Variants in PTPRD observed in about 807,000 individuals in gnomAD.
PTPRD encodes the protein protein tyrosine phosphatase receptor type D.
In PTPRD, 34 loss-of-function variants were observed where a neutral mutation model predicts 214.5. That is an observed-to-expected ratio of 0.16 (90% CI 0.12 to 0.21). The LOEUF (loss-of-function observed/expected upper bound fraction) is 0.21, where lower values mean the gene tolerates loss of function less well. PTPRD is among the 10% of genes least tolerant of loss of function. PTPRD has a pLI of 1.00. For missense variants in PTPRD, 2,545 were observed against 2,398.7 expected (o/e 1.06, Z -1.27); for synonymous variants, 1,128 against 845.7 (o/e 1.33, Z -5.79).
At chr9:10,266,380 C>T (rs2094060274) in intron 3 of PTPRD, among the ~76,000 whole-genome samples, 1 of 151,848 alleles carries the variant, frequency 6.6e-6, no homozygotes, top group African/African-American at 2.4e-5. Context: ...AAATGTAGTT[C>T]TAATATGTAA....
At chr9:9,151,085 C>T (rs1240202635) in intron 10 of PTPRD, among the ~76,000 whole-genome samples, 1 of 152,170 alleles carries the variant, frequency 6.6e-6, no homozygotes, top group East Asian at 1.9e-4. Flanking sequence ...AAGATAATTA[C>T]CATATATTTA....
intron 3 of PTPRD, among the ~76,000 whole-genome samples, chr9:10,078,348 C>CAAA (rs35499698): frequency 1.7e-5 from 2 of 119,934 alleles, no homozygotes; most frequent in East Asian, 4.9e-4. Context: ...CCATCTCTTC[C>CAAA]AAAAAAAAAA....
intron 2 of PTPRD, among the ~76,000 whole-genome samples, chr9:10,473,305 C>T (rs1030206100): frequency 6.6e-6 from 1 of 152,052 alleles, no homozygotes; most frequent in Non-Finnish European, 1.5e-5. Context: ...CTCACATTCA[C>T]ATACCAAAAA....
At chr9:9,264,434 AG>A (rs1457045968) in intron 9 of PTPRD, among the ~76,000 whole-genome samples, 1 of 151,664 alleles carries the variant, frequency 6.6e-6, no homozygotes, top group East Asian at 2.0e-4. Flanking sequence ...ATGAAGTAGA[AG>A]AAAGACTCTG....
In PTPRD at chr9:8,644,038, C is replaced by T. The variant is rs548024617; in HGVS notation, c.65-7194G>A. 3.9e-4 allele frequency among the ~76,000 whole-genome samples: 60 copies of T among 152,304 alleles called. 1 individual carries two copies. In the South Asian group the frequency reaches 0.012, roughly 31 times the overall value. On this transcript the variant is annotated intron_variant, in intron 12 of 45. Coordinates refer to ENST00000381196, the MANE Select transcript of PTPRD (RefSeq NM_002839.4). The stretch of plus-strand genomic sequence containing the variant: ...TGGACCAGCTGGCATGCACTTCATC[C>T]CCTCTGAGGCCCATAAAAGTTCCAG...
intron 4 of PTPRD, among the ~76,000 whole-genome samples, chr9:10,020,518 G>A (rs912548000): frequency 4.3e-5 from 5 of 115,244 alleles, no homozygotes; most frequent in Non-Finnish European, 8.9e-5. Context: ...GCCCAGGATG[G>A]TCTAGATGGC....
At chr9:8,584,446 G>T (rs1400388999) in intron 14 of PTPRD, among the ~76,000 whole-genome samples, 2 of 140,802 alleles carry the variant, frequency 1.4e-5, no homozygotes, top group Non-Finnish European at 3.1e-5. Flanking sequence ...TAACTGATTA[G>T]TTACTGAAAA....
At chr9:8,857,506 G>T (rs895923622) in intron 11 of PTPRD, 1 of 152,202 alleles carries the variant, frequency 6.6e-6, no homozygotes, top group African/African-American at 2.4e-5. Flanking sequence ...CCCGGGCGCC[G>T]GGCTCGCGGA....
intron 5 of PTPRD, among the ~76,000 whole-genome samples, chr9:9,779,078 C>CCAAAAAAAAAAAAAAAA (rs1282567404): frequency 2.2e-5 from 1 of 45,456 alleles, no homozygotes; most frequent in Non-Finnish European, 4.0e-5. Context: ...ATAAGACTGA[C>CCAAAAAAAAAAAAAAAA]AAAAAAAAAA....
At chr9:9,427,985 T>C (rs1047841501) in intron 8 of PTPRD, among the ~76,000 whole-genome samples, 1 of 152,108 alleles carries the variant, frequency 6.6e-6, no homozygotes, top group African/African-American at 2.4e-5. Context: ...CCATCAATGC[T>C]AGGAAGAAAC....
At chr9:9,244,413 A>C (rs1370410706) in intron 9 of PTPRD, among the ~76,000 whole-genome samples, 2 of 152,100 alleles carry the variant, frequency 1.3e-5, no homozygotes, top group Non-Finnish European at 2.9e-5. Context: ...TAACCAAAAC[A>C]CCATGGTACT....
chr9:10,321,623 C>T (rs1042802585), intron 3 of PTPRD, among the ~76,000 whole-genome samples: 1 of 151,922 alleles, frequency 6.6e-6, no homozygotes, highest in Non-Finnish European at 1.5e-5. Context: ...TGGATAGCAA[C>T]ATAAATAATC....
Position 10,268,834 on chromosome 9 carries a change from G to C in PTPRD, c.-545+72129C>G, listed in dbSNP as rs137910779. 1.3e-3 allele frequency among the ~76,000 whole-genome samples: 204 copies of C among 152,274 alleles called. 1 individual carries two copies. Among genetic ancestry groups the C allele is most frequent in the African/African-American group, 4.7e-3 (196 of 41,550 alleles). On this transcript the variant is annotated intron_variant, in intron 3 of 45. Transcript: ENST00000381196. ...CAAACTTAAACTGGCCTTTACAAAAGGGGTGAAGAGGGTTGGCTAAATATA... is the reference window on the plus strand; with the variant it reads ...CAAACTTAAACTGGCCTTTACAAAACGGGTGAAGAGGGTTGGCTAAATATA...
intron 7 of PTPRD, among the ~76,000 whole-genome samples, chr9:9,722,085 G>A (rs2097960564): frequency 1.3e-5 from 2 of 151,650 alleles, no homozygotes; most frequent in South Asian, 4.2e-4. Flanking sequence ...ACTTTATTAA[G>A]ATATATTTTA....
intron 11 of PTPRD, among the ~76,000 whole-genome samples, chr9:8,833,715 T>TACACACAC (rs1177957119): frequency 7.5e-5 from 10 of 133,726 alleles, no homozygotes; most frequent in South Asian, 2.4e-4. Context: ...TATATATATA[T>TACACACAC]ACACACACAC....
intron 7 of PTPRD, among the ~76,000 whole-genome samples, chr9:9,633,994 G>T (rs926623878): frequency 6.6e-6 from 1 of 152,052 alleles, no homozygotes; most frequent in African/African-American, 2.4e-5. Flanking sequence ...AGAAAAACAT[G>T]TTATCTGAAT....
intron 11 of PTPRD, among the ~76,000 whole-genome samples, chr9:8,886,150 A>C (rs13300978): frequency 0.23 from 35,329 of 152,108 alleles, 4,630 homozygotes; most frequent in Non-Finnish European, 0.3. Flanking sequence ...AGTCCAGCTG[A>C]TTTGTTCATA....
rs71492003 is a variant in PTPRD, at chr9:8,929,883, G to A, written c.-104+88814C>T. ...TGTATATACATGTGTGTGTATATAT[G>A]TGTGTGTATATATATGTGTATATAT... On this transcript the variant is annotated intron_variant, in intron 11 of 45. Transcript: ENST00000381196. Among the ~76,000 whole-genome samples the A allele has an allele frequency of 5.9e-4, 55 of 92,466 alleles. 3 individuals are homozygous for A. In the East Asian group the frequency reaches 0.012, roughly 20 times the overall value. 60.7% of individuals were successfully genotyped at this position (92,466 alleles called of 152,430 possible). A position where few individuals can be genotyped will look rare whatever the true frequency, so the allele number is the denominator to read the frequency against.
chr9:9,530,652 G>C (rs2075258586), intron 8 of PTPRD, among the ~76,000 whole-genome samples: 1 of 152,116 alleles, frequency 6.6e-6, no homozygotes, highest in Non-Finnish European at 1.5e-5. Flanking sequence ...AATGGATAAA[G>C]AAAATGTTGT....
Sources: gnomAD v4.1 joint callset for allele counts (sites outside exome capture counted in the v4.1 genomes callset) on GRCh38, gnomAD v4.1.1 for gene constraint, MANE v1.5 for transcripts, NCBI Gene and HGNC (gene_info 2026-07-23, HGNC 2026-07-21) for gene names.